TSPAN15: variants seen among roughly 807,000 people sequenced by gnomAD.
TSPAN15 encodes tetraspanin-15.
A neutral mutation model predicts 34.5 loss-of-function variants in TSPAN15; 20 were observed. The ratio of observed to expected loss-of-function variants is 0.58; its 90% CI spans 0.41 to 0.84. The LOEUF (loss-of-function observed/expected upper bound fraction) is 0.84, where lower values mean the gene tolerates loss of function less well. Ranked by LOEUF, TSPAN15 falls within the 40% of genes least tolerant of loss-of-function variation. The pLI, the probability that TSPAN15 is intolerant of heterozygous loss-of-function variation, is 0.00. For synonymous variants in TSPAN15, 155 were observed against 153.9 expected (o/e 1.01, Z -0.05); for missense variants, 313 against 386.1 (o/e 0.81, Z 1.59).
chr10:69,533,316 T>A, the TSPAN15 span, among the ~76,000 whole-genome samples: 1 of 152,084 alleles, frequency 6.6e-6, no homozygotes, highest in African/African-American at 2.4e-5. Flanking sequence ...TATATATATA[T>A]AAAACGGAAT....
chr10:69,478,351 A>C (rs1841659897), intron 1 of TSPAN15, among the ~76,000 whole-genome samples: 1 of 151,744 alleles, frequency 6.6e-6, no homozygotes, highest in South Asian at 2.1e-4. Flanking sequence ...GCTCTTCCCC[A>C]CCCCCTTTCA....
downstream of TSPAN15, chr10:69,507,683 G>A: frequency 8.3e-7 from 1 of 1,208,778 alleles, no homozygotes; most frequent in African/African-American, 1.8e-5. Context: ...TGCCTTTCCT[G>A]TGTGCTGTTT....
chr10:69,477,004 C>T (rs894122148), intron 1 of TSPAN15, among the ~76,000 whole-genome samples: 2 of 152,094 alleles, frequency 1.3e-5, no homozygotes, highest in Non-Finnish European at 2.9e-5. Context: ...GCTTTCCTTA[C>T]AGGAAAGGGG....
chr10:69,514,267 G>T, the TSPAN15 span, among the ~76,000 whole-genome samples: 1 of 152,230 alleles, frequency 6.6e-6, no homozygotes, highest in South Asian at 2.1e-4. Context: ...TGTTGGATTT[G>T]GTTTGTTGAA....
Position 69,506,154 on chromosome 10 carries a change from C to CG in TSPAN15, c.653dup (p.Cys219LeufsTer52). The CG allele has an allele frequency of 6.2e-7, 1 of 1,614,128 alleles. No individual in the cohort carries two copies. The highest frequency in any genetic ancestry group is 8.5e-7 in the Non-Finnish European group (1 of 1,180,000). On this transcript the variant is annotated frameshift_variant, in exon 7 of 8. Transcript: ENST00000373290. LOFTEE classifies it high-confidence loss of function. The surrounding 1 kb of genome is among the most constrained non-coding windows in gnomAD (Gnocchi z 4.7). ...CAGTGTGCAGGATGTCATCTACGTG[C>CG]GGGGCTGCACCAACGCCGTGATCAT...
chr10:69,462,166 T>TG (rs1564598916), intron 1 of TSPAN15, among the ~76,000 whole-genome samples: 2,285 of 90,398 alleles, frequency 0.025, 86 homozygotes, highest in African/African-American at 0.072. Flanking sequence ...TTTTTTTTTT[T>TG]TTTTTTTTTT....
At chr10:69,530,161 T>C in the TSPAN15 span, among the ~76,000 whole-genome samples, 1 of 147,558 alleles carries the variant, frequency 6.8e-6, no homozygotes, top group South Asian at 2.1e-4. Context: ...CAAAAGAAGA[T>C]GCAAAGAGGA....
chr10:69,496,326 TAA>T (rs1491536193), intron 4 of TSPAN15, among the ~76,000 whole-genome samples: 1 of 50,580 alleles, frequency 2.0e-5, no homozygotes, highest in Non-Finnish European at 3.8e-5. Flanking sequence ...GGTGCAATAA[TAA>T]TAATAATAAT....
intron 1 of TSPAN15, among the ~76,000 whole-genome samples, chr10:69,456,734 A>G (rs561600668): frequency 8.7e-4 from 132 of 152,328 alleles, no homozygotes; most frequent in Non-Finnish European, 1.4e-3. Context: ...CTAGCACCCA[A>G]ACTGAGACCC....
the TSPAN15 span, among the ~76,000 whole-genome samples, chr10:69,535,290 C>G: frequency 2.0e-5 from 3 of 152,098 alleles, no homozygotes; most frequent in Non-Finnish European, 4.4e-5. Flanking sequence ...AAGGTTATGT[C>G]AAAAGGACCC....
chr10:69,456,589 G>A (rs57028689), intron 1 of TSPAN15, among the ~76,000 whole-genome samples: 17,543 of 152,108 alleles, frequency 0.12, 1,016 homozygotes, highest in African/African-American at 0.12. Context: ...TTTAAAATAA[G>A]TACAGTACAG....
chr10:69,493,455 C>A (rs1179675715), intron 3 of TSPAN15, among the ~76,000 whole-genome samples: 1 of 150,904 alleles, frequency 6.6e-6, no homozygotes, highest in Non-Finnish European at 1.5e-5. Flanking sequence ...AGGCCAGTTT[C>A]TCCGAGCCCA....
chr10:69,506,865 C>T lies in TSPAN15; in HGVS notation c.772C>T (p.Arg258Trp), dbSNP rs769365566. Residue 258 changes from arginine (R) to tryptophan (W), a missense_variant, in exon 8 of 8, where the codon CGG becomes TGG. Transcript: ENST00000373290. The surrounding 1 kb of genome is among the most constrained non-coding windows in gnomAD (Gnocchi z 4.7). ...GCTGCTGACGCTGCTGTACATCACC[C>T]GGGTGGAGGACATCATCATGGAGCA... is the stretch of plus-strand genomic sequence containing the variant. ...GVLLTLLYIT[R>W]VEDIIMEHSV... 8.1e-6 allele frequency: 13 copies of T among 1,598,712 alleles called. No individual in the cohort carries two copies. Among genetic ancestry groups the T allele is most frequent in the Admixed American group, 1.7e-5 (1 of 57,446 alleles).
At chr10:69,489,576 C>T (rs554399544) in intron 3 of TSPAN15, among the ~76,000 whole-genome samples, 11 of 152,308 alleles carry the variant, frequency 7.2e-5, no homozygotes, top group African/African-American at 1.2e-4. Context: ...CCTGACTTCC[C>T]GCAACAATTA....
intron 1 of TSPAN15, among the ~76,000 whole-genome samples, chr10:69,473,399 G>A (rs1841546600): frequency 6.6e-6 from 1 of 152,232 alleles, no homozygotes; most frequent in East Asian, 1.9e-4. Context: ...ATCAAGGCTG[G>A]GGAGGGAAGG....
intron 3 of TSPAN15, among the ~76,000 whole-genome samples, chr10:69,492,274 G>A (rs1841984246): frequency 1.3e-5 from 2 of 152,114 alleles, no homozygotes; most frequent in African/African-American, 4.8e-5. Context: ...AACATTACCA[G>A]TGCTGTCAAC....
At chr10:69,469,455 G>A (rs1213663704) in intron 1 of TSPAN15, among the ~76,000 whole-genome samples, 1 of 152,136 alleles carries the variant, frequency 6.6e-6, no homozygotes, top group Non-Finnish European at 1.5e-5. Context: ...AGGCAATCTT[G>A]TAGGCTCTTT....
intron 5 of TSPAN15, among the ~76,000 whole-genome samples, chr10:69,501,984 C>T (rs976486348): frequency 6.6e-6 from 1 of 151,980 alleles, no homozygotes; most frequent in African/African-American, 2.4e-5. Flanking sequence ...CCCACCCCCC[C>T]GCACCCCATC....
rs1840970265 is a variant in TSPAN15 at position 69,451,646 on chromosome 10, C to G, written c.52C>G (p.Leu18Val). The change falls in exon 1 of 8, where the codon CTC (leucine) becomes GTC (valine). Residue 18 changes from leucine (L) to valine (V), a missense_variant. Physicochemically the swap from Leu to Val is conservative, Grantham distance 32. Coordinates refer to ENST00000373290, the MANE Select transcript of TSPAN15 (RefSeq NM_012339.5). ...QVRYCARFSY[L>V]WLKFSLIIYS... ...GCGCTACTGCGCGCGCTTCTCCTAC[C>G]TCTGGCTCAAGTTTTCACTTATCAT... The G allele has an allele frequency of 6.5e-7, 1 of 1,547,660 alleles. No individual in the cohort carries two copies. Among genetic ancestry groups the G allele is most frequent in the Non-Finnish European group, 8.7e-7 (1 of 1,145,546 alleles).
Sources: allele counts gnomAD v4.1 joint callset (sites outside exome capture counted in the v4.1 genomes callset), GRCh38; gene constraint gnomAD v4.1.1; non-coding constraint Gnocchi (gnomAD v3.1); transcripts MANE v1.5; gene names NCBI Gene and HGNC (gene_info 2026-07-23, HGNC 2026-07-21).